Variants in LRFN2 observed in about 807,000 individuals in gnomAD.
LRFN2 encodes the protein leucine rich repeat and fibronectin type III domain containing 2, also known as leucine-rich repeat and fibronectin type-III domain-containing protein 2.
In LRFN2, 18 loss-of-function variants were observed where a neutral mutation model predicts 37.3. The observed-to-expected ratio is 0.48, with a 90% CI of 0.33 to 0.72. The LOEUF is 0.72. Among genes scored for constraint, LRFN2 ranks in the 30% least tolerant of loss-of-function variants. The pLI, the probability that LRFN2 is intolerant of heterozygous loss-of-function variation, is 0.02. For synonymous variants in LRFN2, 556 were observed against 466.6 expected, an observed-to-expected ratio of 1.19 and a Z score of -2.47; for missense variants, 1,006 against 1,060.7, an observed-to-expected ratio of 0.95 and a Z score of 0.72.
At chr6:40,454,672 A>T (rs930625755) in intron 1 of LRFN2, among the ~76,000 whole-genome samples, 1 of 152,174 alleles carries the variant, frequency 6.6e-6, no homozygotes, top group East Asian at 1.9e-4. Flanking sequence ...AGGACTCTAC[A>T]CTATCCACTC....
chr6:40,403,137 G>T (rs1022667679), intron 2 of LRFN2, among the ~76,000 whole-genome samples: 13 of 152,112 alleles, frequency 8.5e-5, no homozygotes, highest in African/African-American at 2.9e-4. Flanking sequence ...GGATTCTGAG[G>T]CTGTGTTTAA....
intron 1 of LRFN2, among the ~76,000 whole-genome samples, chr6:40,437,472 T>C (rs1172429875): frequency 6.6e-6 from 1 of 152,186 alleles, no homozygotes; most frequent in Non-Finnish European, 1.5e-5. Flanking sequence ...TCCTTGTAAA[T>C]TATGTTAAAC....
chr6:40,572,131 A>C (rs1449617092), intron 1 of LRFN2, among the ~76,000 whole-genome samples: 1 of 152,238 alleles, frequency 6.6e-6, no homozygotes, highest in African/African-American at 2.4e-5. Flanking sequence ...GCCACTTATC[A>C]CATGTGTGGG....
At chr6:40,475,521 A>C (rs1295184597) in intron 1 of LRFN2, among the ~76,000 whole-genome samples, 3 of 152,086 alleles carry the variant, frequency 2.0e-5, no homozygotes, top group Non-Finnish European at 2.9e-5. Context: ...CAGCTTCTAT[A>C]GGTTGTGCCA....
chr6:40,585,612 T>G (rs923689322), intron 1 of LRFN2, among the ~76,000 whole-genome samples: 19 of 152,170 alleles, frequency 1.2e-4, no homozygotes, highest in South Asian at 2.1e-4. Flanking sequence ...GCTCCCCACC[T>G]TGAGTTCCAA....
intron 1 of LRFN2, among the ~76,000 whole-genome samples, chr6:40,524,406 C>G (rs1315919331): frequency 7.2e-6 from 1 of 139,512 alleles, no homozygotes; most frequent in Non-Finnish European, 1.6e-5. Context: ...CGCCACACCT[C>G]TAACACACAC....
At chr6:40,565,115 TC>T (rs1767065262) in intron 1 of LRFN2, among the ~76,000 whole-genome samples, 1 of 152,170 alleles carries the variant, frequency 6.6e-6, no homozygotes, top group African/African-American at 2.4e-5. Flanking sequence ...GCCAGGACCA[TC>T]TAGCAGAGGA....
intron 1 of LRFN2, among the ~76,000 whole-genome samples, chr6:40,533,050 G>A (rs925094527): frequency 2.6e-5 from 4 of 152,156 alleles, no homozygotes; most frequent in African/African-American, 7.2e-5. Context: ...GGATGAGAAC[G>A]TTTCCCAGGG....
intron 1 of LRFN2, among the ~76,000 whole-genome samples, chr6:40,509,337 C>T (rs1765630218): frequency 6.6e-6 from 1 of 152,274 alleles, no homozygotes; most frequent in Non-Finnish European, 1.5e-5. Context: ...GTTTGACTGT[C>T]ACCTTTCACA....
At chr6:40,546,431 C>T (rs1184061727) in intron 1 of LRFN2, among the ~76,000 whole-genome samples, 1 of 152,180 alleles carries the variant, frequency 6.6e-6, no homozygotes, top group Non-Finnish European at 1.5e-5. Flanking sequence ...CTTCTTAAAC[C>T]ACCTGATTCA....
Position 40,500,633 on chromosome 6 carries a change from A to G in LRFN2, c.-18-67502T>C, listed in dbSNP as rs551571491. Reference sequence around the variant, plus strand: ...GTTTGTAATAACGAAAGGTGGAAAGAAACTAAATGTCCAACCATCAGGCAT... The same window carrying G: ...GTTTGTAATAACGAAAGGTGGAAAGGAACTAAATGTCCAACCATCAGGCAT... On this transcript the variant is annotated intron_variant, in intron 1 of 2. Coordinates refer to ENST00000338305, the MANE Select transcript of LRFN2 (RefSeq NM_020737.3). Among the ~76,000 whole-genome samples the G allele has an allele frequency of 7.2e-5, 11 of 152,388 alleles. No individual in the cohort carries two copies. In the East Asian group the frequency reaches 2.1e-3, roughly 29 times the overall value.
chr6:40,561,546 G>A (rs977432053), intron 1 of LRFN2, among the ~76,000 whole-genome samples: 3 of 152,208 alleles, frequency 2.0e-5, no homozygotes, highest in African/African-American at 7.2e-5. Flanking sequence ...CTCCACAGGG[G>A]CTGGCTGCTG....
At position 40,527,151 on chromosome 6, in the gene LRFN2, A is replaced by C. The variant is rs75816230; in HGVS notation, c.-19+59790T>G. Among the ~76,000 whole-genome samples the C allele has an allele frequency of 7.3e-3, 1,112 of 152,360 alleles. 10 individuals carry two copies. The highest frequency in any genetic ancestry group is 0.024 in the Middle Eastern group (7 of 294). The stretch of plus-strand genomic sequence containing the variant: ...GGCATTTCACTCATCCTTGAAAGTA[A>C]AATGGAAATTGATCTTCTTTGCACT... On this transcript the variant is annotated intron_variant, in intron 1 of 2. Transcript: ENST00000338305.
intron 2 of LRFN2, among the ~76,000 whole-genome samples, chr6:40,399,164 A>C (rs1374155463): frequency 6.6e-6 from 1 of 151,770 alleles, no homozygotes; most frequent in African/African-American, 2.4e-5. Context: ...CTGTGATTCC[A>C]GCTGCCAGGG....
intron 1 of LRFN2, among the ~76,000 whole-genome samples, chr6:40,560,525 CT>C (rs1287188704): frequency 6.6e-6 from 1 of 152,182 alleles, no homozygotes; most frequent in East Asian, 1.9e-4. Flanking sequence ...GTTTGAAATG[CT>C]GTCTGGATCA....
At chr6:40,563,226 T>C (rs1767031977) in intron 1 of LRFN2, among the ~76,000 whole-genome samples, 2 of 152,178 alleles carry the variant, frequency 1.3e-5, no homozygotes, top group Non-Finnish European at 2.9e-5. Context: ...TGGAAATATC[T>C]GCCTCTCTGC....
At position 40,457,609 on chromosome 6, in the gene LRFN2, A is replaced by G. The variant is rs112405053; in HGVS notation, c.-18-24478T>C. ...AGCCATGATCATACCTCTGCACTCC[A>G]GCCTAGGCAACAAAGAAAGACCCTG... On this transcript the variant is annotated intron_variant, in intron 1 of 2. Coordinates refer to ENST00000338305, the MANE Select transcript of LRFN2 (RefSeq NM_020737.3). 6.7e-3 allele frequency among the ~76,000 whole-genome samples: 964 copies of G among 143,678 alleles called. 13 individuals carry two copies. Among genetic ancestry groups the G allele is most frequent in the African/African-American group, 0.022 (872 of 39,192 alleles). 94.3% of individuals were successfully genotyped at this position (143,678 alleles called of 152,430 possible).
intron 1 of LRFN2, among the ~76,000 whole-genome samples, chr6:40,452,350 C>T (rs926036967): frequency 6.6e-6 from 1 of 152,204 alleles, no homozygotes; most frequent in Non-Finnish European, 1.5e-5. Flanking sequence ...CATAGGACTG[C>T]TCCCGTGATA....
At chr6:40,527,235 C>A (rs772603472) in intron 1 of LRFN2, among the ~76,000 whole-genome samples, 1 of 152,220 alleles carries the variant, frequency 6.6e-6, no homozygotes, top group Non-Finnish European at 1.5e-5. Flanking sequence ...ACAGCCTGAG[C>A]CTCCTCTTCC....
Sources: allele counts gnomAD v4.1 joint callset (sites outside exome capture counted in the v4.1 genomes callset), GRCh38; gene constraint gnomAD v4.1.1; transcripts MANE v1.5; gene names NCBI Gene and HGNC (gene_info 2026-07-23, HGNC 2026-07-21).